TCF7L2: variants seen among roughly 807,000 people sequenced by gnomAD.
The protein encoded by TCF7L2 is transcription factor 7 like 2, also known as transcription factor 7-like 2.
In TCF7L2, 23 loss-of-function variants were observed where a neutral mutation model predicts 77.9. The observed-to-expected ratio is 0.30, with a 90% CI of 0.21 to 0.42. The LOEUF is 0.42. Among genes scored for constraint, TCF7L2 ranks in the 10% least tolerant of loss-of-function variants. TCF7L2 has a pLI of 1.00. For missense variants in TCF7L2, 654 were observed against 793.1 expected, an observed-to-expected ratio of 0.82 and a Z score of 2.11; for synonymous variants, 413 against 340.2, an observed-to-expected ratio of 1.21 and a Z score of -2.36.
chr10:113,121,138 T>G (rs1368867476), intron 5 of TCF7L2, among the ~76,000 whole-genome samples: 1 of 152,176 alleles, frequency 6.6e-6, no homozygotes, highest in East Asian at 1.9e-4. Flanking sequence ...GGAAGGGTAA[T>G]ATGATTGGAG....
At chr10:112,980,127 A>G (rs1302881990) in intron 4 of TCF7L2, among the ~76,000 whole-genome samples, 1 of 152,224 alleles carries the variant, frequency 6.6e-6, no homozygotes, top group Non-Finnish European at 1.5e-5. Flanking sequence ...TGTCAGGTTT[A>G]TACTCCTGAG....
intron 4 of TCF7L2, among the ~76,000 whole-genome samples, chr10:113,027,331 A>T (rs7907610): frequency 6.6e-6 from 1 of 151,888 alleles, no homozygotes; most frequent in African/African-American, 2.4e-5. Context: ...TGTTTCATCA[A>T]TGTCTTTTGG....
At chr10:112,993,399 G>A (rs548521433) in intron 4 of TCF7L2, among the ~76,000 whole-genome samples, 2 of 151,938 alleles carry the variant, frequency 1.3e-5, no homozygotes, top group South Asian at 2.1e-4. Flanking sequence ...CCACCTACTC[G>A]AGAGGCTGAG....
intron 8 of TCF7L2, among the ~76,000 whole-genome samples, chr10:113,148,511 G>A (rs766803037): frequency 1.3e-5 from 2 of 152,148 alleles, no homozygotes; most frequent in Non-Finnish European, 2.9e-5. Context: ...TAAAATCAAG[G>A]CCGGCAGATG....
chr10:113,129,426 A>G, intron 5 of TCF7L2: 3 of 1,007,558 alleles, frequency 3.0e-6, no homozygotes, highest in Non-Finnish European at 3.6e-6. Flanking sequence ...GCTGGGGAAC[A>G]TGGACCTTCC....
Position 112,951,218 on chromosome 10 carries a change from G to T in TCF7L2, c.201G>T (p.Arg67=). 6.3e-7 allele frequency: 1 copy of T among 1,583,704 alleles called. No homozygotes were observed. The highest frequency in any genetic ancestry group is 2.4e-5 in the East Asian group (1 of 41,134). The change falls in exon 2 of 14, where the codon CGG becomes CGT. Residue 67 remains arginine, a synonymous_variant. Coordinates refer to ENST00000627217, the MANE Select transcript of TCF7L2 (RefSeq NM_001146274.2). Reference sequence around the variant, plus strand: ...ACCCCTCTGGGAAGGCGGAAAGACGGCCTCCGCCTCGCTCCGAAAGTTTCC... The same window carrying T: ...ACCCCTCTGGGAAGGCGGAAAGACGTCCTCCGCCTCGCTCCGAAAGTTTCC...
intron 4 of TCF7L2, among the ~76,000 whole-genome samples, chr10:113,033,645 CT>C (rs1196935253): frequency 6.6e-6 from 1 of 152,196 alleles, no homozygotes; most frequent in Non-Finnish European, 1.5e-5. Context: ...ATAGTACATA[CT>C]TATTTATGTT....
chr10:113,130,214 G>A (rs1236628605), intron 5 of TCF7L2, among the ~76,000 whole-genome samples: 1 of 152,148 alleles, frequency 6.6e-6, no homozygotes, highest in Non-Finnish European at 1.5e-5. Flanking sequence ...AAAAGATGGG[G>A]AGGAGAGAAG....
intron 5 of TCF7L2, among the ~76,000 whole-genome samples, chr10:113,107,584 A>G (rs955987320): frequency 6.6e-6 from 1 of 151,852 alleles, no homozygotes; most frequent in African/African-American, 2.4e-5. Flanking sequence ...TCCACTAAAA[A>G]TACAAAAAAT....
At chr10:112,998,118 CT>C (rs2043834790) in intron 4 of TCF7L2, among the ~76,000 whole-genome samples, 1 of 93,894 alleles carries the variant, frequency 1.1e-5, no homozygotes, top group Admixed American at 1.1e-4. Flanking sequence ...TTTTTTTTTT[CT>C]AAAGAGATGG....
intron 3 of TCF7L2, among the ~76,000 whole-genome samples, chr10:112,959,820 A>G (rs947478577): frequency 1.3e-5 from 2 of 152,148 alleles, no homozygotes; most frequent in African/African-American, 2.4e-5. Flanking sequence ...TGGTTGCTCA[A>G]ATGACTAATG....
intron 4 of TCF7L2, among the ~76,000 whole-genome samples, chr10:112,985,364 G>A (rs2041283297): frequency 6.6e-6 from 1 of 152,014 alleles, no homozygotes; most frequent in Non-Finnish European, 1.5e-5. Context: ...TGGACTTCAG[G>A]ATCCTTCCAT....
intron 4 of TCF7L2, among the ~76,000 whole-genome samples, chr10:113,018,729 A>G (rs1362919373): frequency 1.3e-5 from 2 of 151,314 alleles, no homozygotes; most frequent in African/African-American, 4.9e-5. Flanking sequence ...TGACCTCCCA[A>G]AGTGCTGGGA....
chr10:113,011,786 T>C (rs982741549), intron 4 of TCF7L2, among the ~76,000 whole-genome samples: 3 of 152,280 alleles, frequency 2.0e-5, no homozygotes, highest in South Asian at 2.1e-4. Flanking sequence ...TGAGTATTGC[T>C]ACCTTGAATA....
At position 113,144,496 on chromosome 10, in the gene TCF7L2, T is replaced by G. The variant is rs1434024147; in HGVS notation, c.788+471T>G. Among the ~76,000 whole-genome samples, 4 of 152,180 alleles carry G rather than the reference T, an allele frequency of 2.6e-5. No individual in the cohort carries two copies. In the East Asian group the frequency reaches 7.7e-4, roughly 29 times the overall value. ...AGCAGGAACAAGAACGGCCTTGTTT[T>G]GAAATCCAGGGTTGGGATTAGGGCA... On this transcript the variant is annotated intron_variant, in intron 7 of 13. Coordinates refer to ENST00000627217, the MANE Select transcript of TCF7L2 (RefSeq NM_001146274.2).
chr10:113,097,653 A>ACAAAAAACAAAAAAAAAAAAAAAAC (rs1564890061), intron 5 of TCF7L2, among the ~76,000 whole-genome samples: 1 of 124,286 alleles, frequency 8.0e-6, no homozygotes, highest in African/African-American at 3.2e-5. Context: ...TCGGAAAAAA[A>ACAAAAAACAAAAAAAAAAAAAAAAC]AAAAAAAAAA....
intron 4 of TCF7L2, among the ~76,000 whole-genome samples, chr10:113,034,220 G>T (rs926362981): frequency 7.9e-5 from 12 of 152,142 alleles, no homozygotes; most frequent in Non-Finnish European, 1.8e-4. Context: ...TTGTATACTT[G>T]TACTTCCTAT....
intron 5 of TCF7L2, among the ~76,000 whole-genome samples, chr10:113,110,598 C>T (rs1304779163): frequency 6.6e-6 from 1 of 151,968 alleles, no homozygotes; most frequent in Non-Finnish European, 1.5e-5. Flanking sequence ...AGGACAATGT[C>T]GATTCTAATT....
intron 5 of TCF7L2, among the ~76,000 whole-genome samples, chr10:113,124,313 G>A (rs1211433569): frequency 6.6e-6 from 1 of 152,164 alleles, no homozygotes; most frequent in African/African-American, 2.4e-5. Context: ...TTCATCTAAG[G>A]GTTGATAATG....
Sources: allele counts gnomAD v4.1 joint callset (sites outside exome capture counted in the v4.1 genomes callset), GRCh38; gene constraint gnomAD v4.1.1; transcripts MANE v1.5; gene names NCBI Gene and HGNC (gene_info 2026-07-23, HGNC 2026-07-21).